The following CCDC192 variants were observed in gnomAD, a reference collection of about 807,000 sequenced individuals.
CCDC192 encodes coiled-coil domain containing 192, also known as coiled-coil domain-containing protein 192.
chr5:127,879,295 T>C (rs375456399), intron 6 of CCDC192, among the ~76,000 whole-genome samples: 12 of 148,210 alleles, frequency 8.1e-5, no homozygotes. Flanking sequence ...TATCTACAAC[T>C]ATCTGATCTT....
intron 2 of CCDC192, among the ~76,000 whole-genome samples, chr5:127,751,130 G>C (rs1754137499): frequency 6.8e-6 from 1 of 146,932 alleles, no homozygotes; most frequent in East Asian, 2.0e-4. Flanking sequence ...AGTTAATATT[G>C]TTATGTGTGA....
intron 5 of CCDC192, among the ~76,000 whole-genome samples, chr5:127,852,031 A>G (rs1040247685): frequency 6.6e-6 from 1 of 152,242 alleles, no homozygotes; most frequent in Non-Finnish European, 1.5e-5. Flanking sequence ...AACAGTTAAA[A>G]TTAAATGTGA....
chr5:127,722,432 T>C (rs1411834991), intron 2 of CCDC192, among the ~76,000 whole-genome samples: 4 of 152,202 alleles, frequency 2.6e-5, no homozygotes, highest in Admixed American at 2.6e-4. Context: ...TGTTGATTAT[T>C]TCCTTTGCTA....
At chr5:127,817,183 A>G (rs370361384) in intron 5 of CCDC192, among the ~76,000 whole-genome samples, 7 of 152,294 alleles carry the variant, frequency 4.6e-5, no homozygotes, top group African/African-American at 1.7e-4. Flanking sequence ...GGAAATAGTG[A>G]CACCCTAATA....
rs1751075584 is a variant in CCDC192 at position 127,708,124 on chromosome 5, C to T, written c.114+364C>T. Among the ~76,000 whole-genome samples the T allele has an allele frequency of 1.3e-5, 2 of 152,294 alleles. 1 individual carries two copies. The highest frequency in any genetic ancestry group is 6.8e-3 in the Middle Eastern group (2 of 294). ...GTGTATGAGGAAATCCTGGAATTCA[C>T]ACACGAATGATATACATTGGGTACA... is the stretch of plus-strand genomic sequence containing the variant. On this transcript the variant is annotated intron_variant, in intron 2 of 6. Transcript: ENST00000514853.
intron 2 of CCDC192, among the ~76,000 whole-genome samples, chr5:127,750,816 T>C (rs1754111297): frequency 6.6e-6 from 1 of 151,592 alleles, no homozygotes; most frequent in Non-Finnish European, 1.5e-5. Context: ...GGTGCATATA[T>C]ATTTAGGGTA....
At chr5:127,726,356 G>A (rs561976033) in intron 2 of CCDC192, among the ~76,000 whole-genome samples, 36 of 152,246 alleles carry the variant, frequency 2.4e-4, no homozygotes, top group African/African-American at 8.2e-4. Flanking sequence ...AAATTTCAGC[G>A]ACACATTTAT....
At chr5:127,737,142 T>G (rs1218365173) in intron 2 of CCDC192, among the ~76,000 whole-genome samples, 2 of 151,840 alleles carry the variant, frequency 1.3e-5, no homozygotes, top group Non-Finnish European at 2.9e-5. Context: ...TTTGTTCTCG[T>G]TGGTTTCAAA....
At position 127,928,249 on chromosome 5, in the gene CCDC192, G is replaced by T. The variant is rs550404656; in HGVS notation, c.536-12933G>T. On this transcript the variant is annotated intron_variant, in intron 6 of 6. Transcript: ENST00000514853. ...ATCTTTTATAGTTCTTATAGATGGA[G>T]GTCAAAAGTCCAACAGGTGTCACCT... Among the ~76,000 whole-genome samples the T allele has an allele frequency of 9.9e-5, 15 of 152,268 alleles. 1 individual carries two copies. The South Asian group carries it at 2.9e-3, about 30-fold the overall frequency.
At chr5:127,790,990 A>G (rs529070975) in intron 3 of CCDC192, among the ~76,000 whole-genome samples, 4 of 152,332 alleles carry the variant, frequency 2.6e-5, no homozygotes, top group South Asian at 4.1e-4. Context: ...ACCAATTTCT[A>G]TATATTGTAA....
rs995321622 is a variant in CCDC192 at position 127,772,179 on chromosome 5, G to A, written c.222+17804G>A. 7.2e-5 allele frequency among the ~76,000 whole-genome samples: 11 copies of A among 152,044 alleles called. No homozygotes were observed. In the South Asian group the frequency reaches 2.1e-3, roughly 29 times the overall value. ...TCAGTGGTTCAAGAATGTCACCAAC[G>A]GCCAGGTGCAGTGGCTCACACCTGT... On this transcript the variant is annotated intron_variant, in intron 3 of 6. Coordinates refer to ENST00000514853, the MANE Select transcript of CCDC192 (RefSeq NM_001317938.2).
chr5:127,932,117 G>A (rs1440090799), intron 6 of CCDC192, among the ~76,000 whole-genome samples: 3 of 149,330 alleles, frequency 2.0e-5, no homozygotes, highest in Admixed American at 6.7e-5. Context: ...TCGTGCCACT[G>A]CGCTCCAGCC....
chr5:127,794,073 G>A (rs995543117), intron 3 of CCDC192, among the ~76,000 whole-genome samples: 31 of 152,258 alleles, frequency 2.0e-4, no homozygotes, highest in African/African-American at 7.0e-4. Flanking sequence ...GCGTCTGGTC[G>A]GTGACAGAGG....
chr5:127,718,567 G>A (rs1751775698), intron 2 of CCDC192, among the ~76,000 whole-genome samples: 1 of 152,094 alleles, frequency 6.6e-6, no homozygotes. Flanking sequence ...AGGGAATTTG[G>A]TAATGTGAAA....
intron 2 of CCDC192, among the ~76,000 whole-genome samples, chr5:127,752,387 G>T (rs10053550): frequency 1.3e-5 from 2 of 152,180 alleles, no homozygotes; most frequent in African/African-American, 4.8e-5. Context: ...AGGTGTCAGT[G>T]TGCCCCTGCT....
At chr5:127,786,974 G>A in intron 3 of CCDC192, 1 of 383,530 alleles carries the variant, frequency 2.6e-6, no homozygotes, top group Non-Finnish European at 5.0e-6. Flanking sequence ...TGGCTCTGAG[G>A]TCATCCAGAT....
intron 3 of CCDC192, among the ~76,000 whole-genome samples, chr5:127,755,849 T>A (rs747390068): frequency 2.6e-5 from 4 of 151,846 alleles, no homozygotes; most frequent in Non-Finnish European, 5.9e-5. Context: ...TTTGAATCAG[T>A]AAGATTGAAT....
At chr5:127,884,342 CAAAAA>C (rs778430655) in intron 6 of CCDC192, among the ~76,000 whole-genome samples, 679 of 11,592 alleles carry the variant, frequency 0.059, 2 homozygotes, top group African/African-American at 0.15. Context: ...GACTCCGTCT[CAAAAA>C]AAAAAAAAAA....
intron 5 of CCDC192, among the ~76,000 whole-genome samples, chr5:127,801,815 A>C (rs77039157): frequency 0.013 from 2,006 of 152,338 alleles, 19 homozygotes; most frequent in African/African-American, 0.027. Context: ...GGTAGAAATC[A>C]GAACCAGAAG....
Sources: gnomAD v4.1 joint callset for allele counts (sites outside exome capture counted in the v4.1 genomes callset) on GRCh38, gnomAD v4.1.1 for gene constraint, MANE v1.5 for transcripts, NCBI Gene and HGNC (gene_info 2026-07-23, HGNC 2026-07-21) for gene names.